Variants in KLHL6 observed in about 807,000 individuals in gnomAD.
KLHL6 encodes the protein kelch like family member 6, also known as kelch-like protein 6.
Under a neutral mutation model 58.6 loss-of-function variants are expected in KLHL6, and 41 were observed. The ratio of observed to expected loss-of-function variants is 0.70; its 90% CI spans 0.55 to 0.91. The LOEUF (loss-of-function observed/expected upper bound fraction) is 0.91, where lower values mean the gene tolerates loss of function less well. Ranked by LOEUF, KLHL6 falls within the 40% of genes least tolerant of loss-of-function variation. KLHL6 has a pLI of 0.00. For missense variants in KLHL6, 714 were observed against 805.6 expected, an observed-to-expected ratio of 0.89 and a Z score of 1.38; for synonymous variants, 338 against 322.7, an observed-to-expected ratio of 1.05 and a Z score of -0.51.
chr3:183,511,461 G>C (rs369028342), intron 2 of KLHL6, among the ~76,000 whole-genome samples: 2 of 152,168 alleles, frequency 1.3e-5, no homozygotes, highest in Admixed American at 6.5e-5. Flanking sequence ...AACTGCAAGG[G>C]ACTTTCCTCT....
chr3:183,533,679 A>G (rs1192978570), intron 1 of KLHL6, among the ~76,000 whole-genome samples: 12 of 152,158 alleles, frequency 7.9e-5, no homozygotes, highest in Non-Finnish European at 1.6e-4. Flanking sequence ...AGAACGAGAG[A>G]GAGACAGAGA....
At chr3:183,551,938 C>A (rs1712930952) in intron 1 of KLHL6, 1 of 151,698 alleles carries the variant, frequency 6.6e-6, no homozygotes, top group African/African-American at 2.4e-5. Context: ...AGAGACAGTT[C>A]AACAAAAAAA....
At chr3:183,532,246 G>A (rs905623360) in intron 1 of KLHL6, among the ~76,000 whole-genome samples, 5 of 152,196 alleles carry the variant, frequency 3.3e-5, no homozygotes, top group East Asian at 1.9e-4. Flanking sequence ...CTCACGCACC[G>A]AGGAAAGGCC....
chr3:183,539,563 GCT>G (rs1161207574), intron 1 of KLHL6, among the ~76,000 whole-genome samples: 4 of 152,038 alleles, frequency 2.6e-5, no homozygotes, highest in African/African-American at 9.7e-5. Flanking sequence ...CAAAAAATTA[GCT>G]CGGTGTGGTG....
At chr3:183,518,233 G>A (rs1711625298) in intron 2 of KLHL6, among the ~76,000 whole-genome samples, 1 of 152,106 alleles carries the variant, frequency 6.6e-6, no homozygotes, top group Non-Finnish European at 1.5e-5. Flanking sequence ...ACCACTTGAT[G>A]AGCTGAACAC....
At chr3:183,518,587 GGCA>G (rs1711634159) in intron 2 of KLHL6, among the ~76,000 whole-genome samples, 1 of 152,116 alleles carries the variant, frequency 6.6e-6, no homozygotes, top group African/African-American at 2.4e-5. Flanking sequence ...ACAACCTATA[GGCA>G]GCAACCGAGC....
chr3:183,542,789 A>G (rs1355462890), intron 1 of KLHL6, among the ~76,000 whole-genome samples: 1 of 152,106 alleles, frequency 6.6e-6, no homozygotes, highest in Non-Finnish European at 1.5e-5. Context: ...TAATTTATTC[A>G]TCTTTGTAAA....
rs1052519804 is a variant in KLHL6 at position 183,489,482 on chromosome 3, C to G, written c.*2445G>C. 6.6e-6 allele frequency: 1 copy of G among 152,144 alleles called. No homozygotes were observed. The highest frequency in any genetic ancestry group is 2.1e-4 in the South Asian group (1 of 4,828). 9.4% of individuals were successfully genotyped at this position (152,144 alleles called of 1,614,324 possible). On this transcript the variant is annotated 3_prime_UTR_variant, in exon 7 of 7. Coordinates refer to ENST00000341319, the MANE Select transcript of KLHL6 (RefSeq NM_130446.4). ...TAAAAACAAGAATATTAACTGGTGG[C>G]CTATTTACCTGTATTGAGTGTCTAG...
chr3:183,518,629 A>G (rs1459261694), intron 2 of KLHL6, among the ~76,000 whole-genome samples: 1 of 152,186 alleles, frequency 6.6e-6, no homozygotes, highest in Non-Finnish European at 1.5e-5. Context: ...GGGGTGATAG[A>G]GCAGGCAAAA....
Position 183,492,562 on chromosome 3 carries a change from T to C in KLHL6, c.1496A>G (p.Lys499Arg), listed in dbSNP as rs1294221929. The part of the protein sequence containing the change: ...YDPSTNKWSL[K>R]AAMPVEAKCI... ...TTTAGCCTCCACGGGCATGGCCGCC[T>C]TCAAACTCCACTTGTTGGTGGAAGG... The change falls in exon 6 of 7, where the codon AAG becomes AGG. Residue 499 changes from lysine to arginine, a missense_variant. Coordinates refer to ENST00000341319, the MANE Select transcript of KLHL6 (RefSeq NM_130446.4). The surrounding 1 kb of genome is among the most constrained non-coding windows in gnomAD (Gnocchi z 5.9). 10 of 1,614,130 alleles carry C rather than the reference T, an allele frequency of 6.2e-6. No individual in the cohort carries two copies. Among genetic ancestry groups the C allele is most frequent in the Non-Finnish European group, 7.6e-6 (9 of 1,180,050 alleles).
At chr3:183,534,132 G>GTAATT (rs1560107063) in intron 1 of KLHL6, among the ~76,000 whole-genome samples, 1 of 16,060 alleles carries the variant, frequency 6.2e-5, no homozygotes, top group African/African-American at 1.2e-4. Context: ...AAAGTACTTT[G>GTAATT]TACTTTTAAA....
chr3:183,532,091 A>G (rs974465476), intron 1 of KLHL6, among the ~76,000 whole-genome samples: 4 of 152,200 alleles, frequency 2.6e-5, no homozygotes, highest in Admixed American at 6.5e-5. Context: ...TGAAACCCTA[A>G]CCCCTAATGT....
rs370540976 is a variant in KLHL6, at chr3:183,513,272, A to G, written c.460-4764T>C. Among the ~76,000 whole-genome samples the G allele has an allele frequency of 3.9e-5, 6 of 152,362 alleles. No individual in the cohort carries two copies. In the East Asian group the frequency reaches 7.7e-4, roughly 20 times the overall value. On this transcript the variant is annotated intron_variant, in intron 2 of 6. Transcript: ENST00000341319. The stretch of plus-strand genomic sequence containing the variant: ...CCACAATGCCATGAAAAGGGTATCT[A>G]TTATCATCCCTGAGGAAACCAGATT...
At chr3:183,553,369 G>A (rs890509809) in intron 1 of KLHL6, among the ~76,000 whole-genome samples, 1 of 152,188 alleles carries the variant, frequency 6.6e-6, no homozygotes, top group African/African-American at 2.4e-5. Flanking sequence ...AAGAACCAGA[G>A]AAGACCAGTG....
Position 183,494,127 on chromosome 3 carries a change from T to C in KLHL6, c.1302A>G (p.Arg434=). ...GGTCGTAGGTCTCCACATTGTTGATTCTCTGTAAGCCGTCAAAGCCTCCGA... is the reference window on the plus strand; with the variant it reads ...GGTCGTAGGTCTCCACATTGTTGATCCTCTGTAAGCCGTCAAAGCCTCCGA... ...YVIGGFDGLQ[R]INNVETYDPF... is the part of the protein sequence containing the mutation. Residue 434 remains arginine, a synonymous_variant, in exon 5 of 7, where the codon AGA becomes AGG. Transcript: ENST00000341319. 4.3e-6 allele frequency: 7 copies of C among 1,614,192 alleles called. No homozygotes were observed. The highest frequency in any genetic ancestry group is 5.9e-6 in the Non-Finnish European group (7 of 1,180,036).
rs1717605964 is a variant in KLHL6 at position 183,492,759 on chromosome 3, G to A, written c.1351-52C>T. ...AGCTGTCAGTCATGCTGCCCAGATT[G>A]CTGCAGTAGCTCCCAGGATACAGGA... On this transcript the variant is annotated intron_variant, in intron 5 of 6. Transcript: ENST00000341319. The surrounding 1 kb of genome is among the most constrained non-coding windows in gnomAD (Gnocchi z 5.9). The A allele has an allele frequency of 6.5e-7, 1 of 1,540,386 alleles. No homozygotes were observed. The highest frequency in any genetic ancestry group is 1.4e-5 in the African/African-American group (1 of 73,440).
At chr3:183,511,032 C>A (rs1718169562) in intron 2 of KLHL6, among the ~76,000 whole-genome samples, 2 of 152,096 alleles carry the variant, frequency 1.3e-5, no homozygotes, top group South Asian at 4.1e-4. Context: ...GAACAGTGGG[C>A]CCAGGGGACC....
chr3:183,505,425 A>G (rs1717974974), intron 3 of KLHL6, among the ~76,000 whole-genome samples: 1 of 152,246 alleles, frequency 6.6e-6, no homozygotes, highest in Non-Finnish European at 1.5e-5. Context: ...CATGAAAGCC[A>G]ATATTAGAAA....
intron 1 of KLHL6, among the ~76,000 whole-genome samples, chr3:183,549,961 A>C (rs1712854200): frequency 6.6e-6 from 1 of 151,956 alleles, no homozygotes. Flanking sequence ...AAAAACAAAG[A>C]GAAAAATACA....
Sources: allele counts gnomAD v4.1 joint callset (sites outside exome capture counted in the v4.1 genomes callset), GRCh38; gene constraint gnomAD v4.1.1; non-coding constraint Gnocchi (gnomAD v3.1); transcripts MANE v1.5; gene names NCBI Gene and HGNC (gene_info 2026-07-23, HGNC 2026-07-21).